The following FHIT variants were observed in gnomAD, a reference collection of about 807,000 sequenced individuals.
FHIT encodes fragile histidine triad diadenosine triphosphatase.
Under a neutral mutation model 17.9 loss-of-function variants are expected in FHIT, and 19 were observed. The ratio of observed to expected loss-of-function variants is 1.06; its 90% CI spans 0.74 to 1.56. The LOEUF is 1.56. FHIT is among the 40% of genes most tolerant of loss of function. The pLI is 0.00. For missense variants in FHIT, 248 were observed against 189.2 expected, an observed-to-expected ratio of 1.31 and a Z score of -1.82; for synonymous variants, 81 against 69.7, an observed-to-expected ratio of 1.16 and a Z score of -0.81.
chr3:61,076,651 C>A (rs1226809887), intron 2 of FHIT, among the ~76,000 whole-genome samples: 1 of 152,126 alleles, frequency 6.6e-6, no homozygotes, highest in East Asian at 1.9e-4. Context: ...AAATAAACAT[C>A]TTGTGTATAT....
chr3:59,885,322 G>A (rs1466053047), intron 8 of FHIT, among the ~76,000 whole-genome samples: 1 of 152,144 alleles, frequency 6.6e-6, no homozygotes, highest in East Asian at 1.9e-4. Context: ...CATTGAGCAC[G>A]GGGGGCTGCC....
At chr3:61,073,921 A>C (rs1346292871) in intron 2 of FHIT, among the ~76,000 whole-genome samples, 1 of 152,202 alleles carries the variant, frequency 6.6e-6, no homozygotes, top group Non-Finnish European at 1.5e-5. Context: ...AAGTAGTTAA[A>C]ATGATGCTGT....
chr3:60,318,897 C>G (rs1709289096), intron 5 of FHIT, among the ~76,000 whole-genome samples: 1 of 152,280 alleles, frequency 6.6e-6, no homozygotes, highest in East Asian at 1.9e-4. Context: ...GGATTTCCAT[C>G]TTTTCCAGCT....
chr3:60,860,532 T>C lies in FHIT; in HGVS notation c.-110-38521A>G, dbSNP rs1168757393. Among the ~76,000 whole-genome samples, 240 of 30,038 alleles carry C rather than the reference T, an allele frequency of 8.0e-3. 9 individuals carry two copies. The highest frequency in any genetic ancestry group is 0.017 in the African/African-American group (226 of 13,436). 19.7% of individuals were successfully genotyped at this position (30,038 alleles called of 152,430 possible). A position where few individuals can be genotyped will look rare whatever the true frequency, so the allele number is the denominator to read the frequency against. ...ATATGATACATATGTATCATATATATCAGGTATATATGATACATATGTATC... is the reference window on the plus strand; with the variant it reads ...ATATGATACATATGTATCATATATACCAGGTATATATGATACATATGTATC... On this transcript the variant is annotated intron_variant, in intron 3 of 9. Coordinates refer to ENST00000492590, the MANE Select transcript of FHIT (RefSeq NM_002012.4).
At chr3:61,217,833 A>G (rs1354560796) in intron 1 of FHIT, among the ~76,000 whole-genome samples, 2 of 152,352 alleles carry the variant, frequency 1.3e-5, no homozygotes, top group East Asian at 1.9e-4. Context: ...TTCTTATTAT[A>G]ATGCATTAAA....
chr3:59,801,514 T>C (rs1462836438), intron 8 of FHIT, among the ~76,000 whole-genome samples: 1 of 152,110 alleles, frequency 6.6e-6, no homozygotes, highest in Admixed American at 6.6e-5. Flanking sequence ...AGTTTCCCTA[T>C]ATAAGTGAAA....
In FHIT at chr3:60,391,948, T is replaced by A. The variant is rs561548565; in HGVS notation, c.103+144912A>T. ...TTTCTTTCTTCTTTTTTTCTTTTTT[T>A]AATTCTGATTACTCTTTGGGACAAA... On this transcript the variant is annotated intron_variant, in intron 5 of 9. Coordinates refer to ENST00000492590, the MANE Select transcript of FHIT (RefSeq NM_002012.4). Among the ~76,000 whole-genome samples the A allele has an allele frequency of 3.7e-3, 565 of 152,216 alleles. 7 individuals carry two copies. The highest frequency in any genetic ancestry group is 0.013 in the African/African-American group (543 of 41,522).
At chr3:59,827,335 T>G (rs1408382102) in intron 8 of FHIT, among the ~76,000 whole-genome samples, 1 of 152,196 alleles carries the variant, frequency 6.6e-6, no homozygotes, top group Non-Finnish European at 1.5e-5. Flanking sequence ...GAATCACATT[T>G]AAAGTCAGAG....
intron 4 of FHIT, among the ~76,000 whole-genome samples, chr3:60,643,207 C>A (rs1177207975): frequency 6.6e-6 from 1 of 152,034 alleles, no homozygotes; most frequent in Non-Finnish European, 1.5e-5. Flanking sequence ...ACGTTTTTCC[C>A]TTTCAATGTA....
intron 7 of FHIT, among the ~76,000 whole-genome samples, chr3:59,993,917 T>C (rs1345434275): frequency 6.6e-6 from 1 of 152,032 alleles, no homozygotes; most frequent in Non-Finnish European, 1.5e-5. Flanking sequence ...TTGATAGTGT[T>C]AATAATTAAA....
chr3:60,872,164 C>T (rs1315791264), intron 3 of FHIT, among the ~76,000 whole-genome samples: 2 of 151,994 alleles, frequency 1.3e-5, no homozygotes, highest in African/African-American at 2.4e-5. Context: ...TTGCCATAAG[C>T]CTGCTTTGTT....
At chr3:60,415,500 GC>G (rs34005341) in intron 5 of FHIT, among the ~76,000 whole-genome samples, 7,061 of 152,116 alleles carry the variant, frequency 0.046, 521 homozygotes, top group African/African-American at 0.16. Flanking sequence ...ATGTGATTTG[GC>G]CTTTTAAAAT....
chr3:60,750,504 T>A (rs1343322789), intron 4 of FHIT, among the ~76,000 whole-genome samples: 2 of 152,178 alleles, frequency 1.3e-5, no homozygotes, highest in Non-Finnish European at 2.9e-5. Context: ...TGATCATGAA[T>A]CAGTCTCACA....
At chr3:61,121,093 T>A in intron 2 of FHIT, among the ~76,000 whole-genome samples, 1 of 152,042 alleles carries the variant, frequency 6.6e-6, no homozygotes, top group East Asian at 1.9e-4. Context: ...TATGGAACTA[T>A]GTGAAAAGAC....
At chr3:60,934,193 T>C (rs527346212) in intron 3 of FHIT, among the ~76,000 whole-genome samples, 11 of 152,140 alleles carry the variant, frequency 7.2e-5, no homozygotes, top group African/African-American at 2.6e-4. Flanking sequence ...AATCTAGGCT[T>C]TTGCAGTACC....
At chr3:60,806,961 C>T (rs1701414853) in intron 4 of FHIT, among the ~76,000 whole-genome samples, 1 of 152,194 alleles carries the variant, frequency 6.6e-6, no homozygotes, top group Non-Finnish European at 1.5e-5. Flanking sequence ...GACCCAGAAA[C>T]ATCCCACACC....
At chr3:60,455,338 C>A (rs556205644) in intron 5 of FHIT, among the ~76,000 whole-genome samples, 9 of 152,240 alleles carry the variant, frequency 5.9e-5, no homozygotes, top group Admixed American at 2.6e-4. Flanking sequence ...ACTTTGAGGT[C>A]TTTTCCCTCC....
chr3:60,628,360 G>A (rs1430273099), intron 4 of FHIT, among the ~76,000 whole-genome samples: 3 of 152,198 alleles, frequency 2.0e-5, no homozygotes, highest in Admixed American at 2.0e-4. Context: ...GGCTTAGCAT[G>A]TGGTATATTT....
At chr3:60,116,710 A>C (rs2107202098) in intron 5 of FHIT, among the ~76,000 whole-genome samples, 1 of 152,284 alleles carries the variant, frequency 6.6e-6, no homozygotes, top group East Asian at 1.9e-4. Context: ...TCCAAGGATC[A>C]AGCAAGCAGG....
Sources: gnomAD v4.1 joint callset for allele counts (sites outside exome capture counted in the v4.1 genomes callset) on GRCh38, gnomAD v4.1.1 for gene constraint, MANE v1.5 for transcripts, NCBI Gene and HGNC (gene_info 2026-07-23, HGNC 2026-07-21) for gene names.